SYNE2: variants seen among roughly 807,000 people sequenced by gnomAD.
SYNE2 encodes the protein spectrin repeat containing nuclear envelope protein 2, also known as nesprin-2.
In SYNE2, 431 loss-of-function variants were observed where a neutral mutation model predicts 856.3. The ratio of observed to expected loss-of-function variants is 0.50; its 90% CI spans 0.47 to 0.55. The LOEUF (loss-of-function observed/expected upper bound fraction) is 0.55. Among genes scored for constraint, SYNE2 ranks in the 20% least tolerant of loss-of-function variants. SYNE2 has a pLI of 0.00. For missense variants in SYNE2, 8,129 were observed against 8,023.2 expected (o/e 1.01, Z -0.50); for synonymous variants, 2,923 against 2,872.3 (o/e 1.02, Z -0.56).
intron 29 of SYNE2, 147 bp from the exon 30 acceptor site, chr14:64,002,573 T>C: frequency 2.4e-6 from 2 of 835,400 alleles, no homozygotes; most frequent in South Asian, 3.8e-5. Flanking sequence ...AATTAAAATG[T>C]TTCCTTAGGT....
intron 1 of SYNE2, among the ~76,000 whole-genome samples, chr14:63,803,647 T>G (rs926185886): frequency 6.6e-6 from 1 of 152,114 alleles, no homozygotes; most frequent in Non-Finnish European, 1.5e-5. Context: ...CGCCTCTCCC[T>G]CCACACCTTC....
At chr14:63,917,857 A>AT (rs1484462221) in intron 2 of SYNE2, among the ~76,000 whole-genome samples, 3 of 149,348 alleles carry the variant, frequency 2.0e-5, no homozygotes, top group African/African-American at 7.7e-5. Flanking sequence ...GTGTTTTTCA[A>AT]ATTTTTTTTT....
chr14:63,940,563 A>G, intron 2 of SYNE2, 51 bp from the exon 3 acceptor site: 2 of 1,535,468 alleles, frequency 1.3e-6, no homozygotes, highest in Non-Finnish European at 1.8e-6. Context: ...TATGTGCAGG[A>G]GGTTTCTGAG....
chr14:64,099,020 GAATGTA>G, intron 63 of SYNE2, 199 bp downstream of exon 63: 2 of 591,764 alleles, frequency 3.4e-6, no homozygotes, highest in Non-Finnish European at 6.0e-6. Flanking sequence ...AGAGTGAGAT[GAATGTA>G]ATTCAGACAC....
intron 99 of SYNE2, among the ~76,000 whole-genome samples, chr14:64,192,777 G>T (rs2098524250): frequency 6.6e-6 from 1 of 152,168 alleles, no homozygotes; most frequent in Non-Finnish European, 1.5e-5. Context: ...AACTTAGGCA[G>T]TGTCACTTCC....
chr14:63,873,048 C>A (rs1055548160), intron 1 of SYNE2, among the ~76,000 whole-genome samples: 1 of 152,038 alleles, frequency 6.6e-6, no homozygotes, highest in Non-Finnish European at 1.5e-5. Flanking sequence ...TTGTCTTTTT[C>A]GTTTTGATTT....
At chr14:64,213,456 C>T (rs1356110060) in intron 105 of SYNE2, among the ~76,000 whole-genome samples, 2 of 152,164 alleles carry the variant, frequency 1.3e-5, no homozygotes, top group Non-Finnish European at 2.9e-5. Context: ...GTTTCAAAAG[C>T]AACTTTGATG....
intron 79 of SYNE2, among the ~76,000 whole-genome samples, chr14:64,138,957 G>A (rs1174759509): frequency 8.1e-4 from 82 of 101,756 alleles, no homozygotes; most frequent in African/African-American, 3.5e-3. Flanking sequence ...GTGTGTGTGT[G>A]TGTGTGTGTG....
At chr14:63,814,400 A>C (rs889075646) in intron 1 of SYNE2, among the ~76,000 whole-genome samples, 2 of 144,896 alleles carry the variant, frequency 1.4e-5, no homozygotes, top group Non-Finnish European at 3.0e-5. Context: ...TATATCCATA[A>C]ACATATCCAT....
intron 1 of SYNE2, among the ~76,000 whole-genome samples, chr14:63,825,802 G>A (rs1456088405): frequency 6.6e-6 from 1 of 152,112 alleles, no homozygotes; most frequent in African/African-American, 2.4e-5. Context: ...CTTGAACCCA[G>A]GAGGCAAAGG....
intron 80 of SYNE2, among the ~76,000 whole-genome samples, chr14:64,140,802 G>A (rs2098132975): frequency 6.6e-6 from 1 of 151,638 alleles, no homozygotes; most frequent in Non-Finnish European, 1.5e-5. Flanking sequence ...AAATTTTGGG[G>A]GAAATAAAAA....
At position 64,220,357 on chromosome 14, in the gene SYNE2, T is replaced by C. The variant is rs1456062524; in HGVS notation, c.19861-80T>C. On this transcript the variant is annotated intron_variant, in intron 110 of 115. Transcript: ENST00000555002. The stretch of plus-strand genomic sequence containing the variant: ...CAGCTTGGAAAAGTGTGTGGAAAAT[T>C]TGTTCCCTACTGAGGTTCAAAATGA... 32 of 1,491,498 alleles carry C rather than the reference T, an allele frequency of 2.1e-5. No individual in the cohort carries two copies. In the East Asian group the frequency reaches 7.0e-4, roughly 33 times the overall value. The allele number at this position is 1,491,498 out of a possible 1,614,324, so 92.4% of individuals were successfully genotyped here. A position where few individuals can be genotyped will look rare whatever the true frequency, so the allele number is the denominator to read the frequency against.
intron 2 of SYNE2, among the ~76,000 whole-genome samples, chr14:63,935,712 A>G (rs1022546405): frequency 1.4e-4 from 22 of 152,286 alleles, no homozygotes; most frequent in African/African-American, 4.6e-4. Context: ...CCACAGTGAT[A>G]ATTAAAAACA....
chr14:63,975,921 G>A (rs1272156), intron 11 of SYNE2, among the ~76,000 whole-genome samples: 1 of 151,946 alleles, frequency 6.6e-6, no homozygotes, highest in Non-Finnish European at 1.5e-5. Context: ...TTGCCGGGGG[G>A]ACATCCAGGT....
At chr14:63,888,578 C>G (rs115768713) in intron 1 of SYNE2, among the ~76,000 whole-genome samples, 3,239 of 152,252 alleles carry the variant, frequency 0.021, 130 homozygotes, top group African/African-American at 0.075. Context: ...GGCCGGGAAT[C>G]AAGTAAGGTG....
intron 1 of SYNE2, among the ~76,000 whole-genome samples, chr14:63,807,587 GT>G (rs1445395462): frequency 4.0e-5 from 6 of 151,032 alleles, no homozygotes; most frequent in African/African-American, 1.2e-4. Flanking sequence ...CTAGAAATTG[GT>G]TTTTTCTCTC....
intron 1 of SYNE2, among the ~76,000 whole-genome samples, chr14:63,782,216 G>T (rs952643396): frequency 6.6e-6 from 1 of 151,964 alleles, no homozygotes; most frequent in East Asian, 1.9e-4. Flanking sequence ...GCTCACGCCT[G>T]TAATCCCAGC....
intron 115 of SYNE2, 66 bp from the exon 116 acceptor site, chr14:64,225,253 T>C: frequency 4.3e-6 from 7 of 1,611,998 alleles, no homozygotes; most frequent in Non-Finnish European, 5.9e-6. Flanking sequence ...AAGCAGGGGC[T>C]TAGGTAATAG....
intron 98 of SYNE2, among the ~76,000 whole-genome samples, chr14:64,189,373 G>A (rs2098507134): frequency 6.6e-6 from 1 of 151,552 alleles, no homozygotes; most frequent in African/African-American, 2.4e-5. Flanking sequence ...AAGGGGAGAG[G>A]CCAACAGCAG....
Sources: gnomAD v4.1 joint callset for allele counts (sites outside exome capture counted in the v4.1 genomes callset) on GRCh38, gnomAD v4.1.1 for gene constraint, MANE v1.5 for transcripts, NCBI Gene and HGNC (gene_info 2026-07-23, HGNC 2026-07-21) for gene names.